Variants in CCDC154 observed in about 807,000 individuals in gnomAD.
The protein encoded by CCDC154 is coiled-coil domain containing 154.
In CCDC154, 91 loss-of-function variants were observed where a neutral mutation model predicts 87.5. The observed-to-expected ratio is 1.04, with a 90% CI of 0.88 to 1.24. The LOEUF (loss-of-function observed/expected upper bound fraction) is 1.24, where lower values mean the gene tolerates loss of function less well. Ranked by LOEUF, CCDC154 falls within the 50% of genes most tolerant of loss-of-function variation. The pLI is 0.00. For missense variants in CCDC154, 903 were observed against 879.2 expected, an observed-to-expected ratio of 1.03 and a Z score of -0.34; for synonymous variants, 418 against 400.4, an observed-to-expected ratio of 1.04 and a Z score of -0.52.
Position 1,435,970 on chromosome 16 carries a change from G to A in CCDC154, c.1604C>T (p.Thr535Met), listed in dbSNP as rs555676477. ...KIAEMQGKLA[T>M]FQNQIMKLEN... ...GGGTGCGGGCAGCCCCAGGACTACC[G>A]TGGCCAGCTTGCCCTGCATCTCCGC... Residue 535 changes from threonine (T) to methionine (M), a missense_variant and splice_region_variant, in exon 14 of 17, where the codon ACG becomes ATG. Physicochemically the swap from Thr to Met is moderately conservative, Grantham distance 81 (BLOSUM62 -1). Coordinates refer to ENST00000389176, the MANE Select transcript of CCDC154 (RefSeq NM_001143980.3). 171 of 1,547,836 alleles carry A rather than the reference G, an allele frequency of 1.1e-4. No homozygotes were observed. Among genetic ancestry groups the A allele is most frequent in the East Asian group, 1.2e-4 (5 of 40,784 alleles).
At chr16:1,442,106 T>C (rs1051119647) in intron 6 of CCDC154, among the ~76,000 whole-genome samples, 3 of 151,838 alleles carry the variant, frequency 2.0e-5, no homozygotes, top group Non-Finnish European at 4.4e-5. Context: ...TTAGTAGAGA[T>C]GGGGTTTCAC....
At chr16:1,440,129 C>T (rs1030622897) in intron 6 of CCDC154, among the ~76,000 whole-genome samples, 1 of 122,588 alleles carries the variant, frequency 8.2e-6, no homozygotes, top group African/African-American at 3.2e-5. Flanking sequence ...GCCTGGGCGA[C>T]AGAGCGAGAC....
chr16:1,444,099 C>A, intron 1 of CCDC154, 87 bp from the exon 2 acceptor site: 1 of 1,102,926 alleles, frequency 9.1e-7, no homozygotes. Context: ...CCCCGCAGGA[C>A]CCTCGCCCAC....
chr16:1,437,681 G>A (rs2038513924), intron 11 of CCDC154, 136 bp downstream of exon 11: 1 of 1,125,034 alleles, frequency 8.9e-7, no homozygotes, highest in Non-Finnish European at 1.2e-6. Flanking sequence ...CCAGGCCCTG[G>A]GGACAGTCGC....
chr16:1,435,189 C>T lies in CCDC154; in HGVS notation c.1606-14G>A. ...TTGGTTCTGAAACTAAACATGGCCC[C>T]CATTTGGGCACAGACAGGGCCAGTC... is the stretch of plus-strand genomic sequence containing the variant. On this transcript the variant is annotated splice_polypyrimidine_tract_variant and intron_variant, in intron 14 of 16. Transcript: ENST00000389176. The T allele has an allele frequency of 6.5e-7, 1 of 1,550,038 alleles. No individual in the cohort carries two copies. The highest frequency in any genetic ancestry group is 1.2e-5 in the South Asian group (1 of 84,054).
At position 1,438,904 on chromosome 16, in the gene CCDC154, C is replaced by A; in HGVS notation, c.817G>T (p.Gly273Cys). ...CTCTCCAGCTCGCCCCGCAGGCTGC[C>A]CTCCAGCTTCAGCCGTGAGCTCTCC... ...ASESSRLKLE[G>C]SLRGELESRW... Residue 273 changes from glycine (G) to cysteine (C), a missense_variant, in exon 8 of 17, where the codon GGC becomes TGC. Gly to Cys is a radical substitution (Grantham distance 159, BLOSUM62 -3). Coordinates refer to ENST00000389176, the MANE Select transcript of CCDC154 (RefSeq NM_001143980.3). 1 of 1,549,694 alleles carries A rather than the reference C, an allele frequency of 6.5e-7. No individual in the cohort carries two copies. The highest frequency in any genetic ancestry group is 8.7e-7 in the Non-Finnish European group (1 of 1,146,688).
At position 1,439,260 on chromosome 16, in the gene CCDC154, C is replaced by A. The variant is rs2050152; in HGVS notation, c.676-134G>T. 2.1e-5 allele frequency: 16 copies of A among 763,534 alleles called. 1 individual carries two copies. The South Asian group carries it at 2.4e-4, about 12-fold the overall frequency. 47.3% of individuals were successfully genotyped at this position (763,534 alleles called of 1,614,324 possible). A position where few individuals can be genotyped will look rare whatever the true frequency, so the allele number is the denominator to read the frequency against. On this transcript the variant is annotated intron_variant, in intron 6 of 16. Transcript: ENST00000389176. ...CCTGAGCCCGGCTGAGCTGGGCCTG[C>A]CACACCCTCAGCCGGAAGAAAGCCA... is the stretch of plus-strand genomic sequence containing the variant.
chr16:1,443,540 G>T lies in CCDC154; in HGVS notation c.380C>A (p.Pro127Gln). ...CTCCTTTTCGGGGGCCTGGGCTGCC[G>T]GCCGCGCCTCCTGCTGCAACTGCCT... The part of the protein sequence containing the change: ...ELRQLQQEAR[P>Q]AAQAPEKEAP... The change falls in exon 3 of 17, where the codon CCG becomes CAG. Residue 127 changes from proline to glutamine, a missense_variant. Pro to Gln is a moderately conservative substitution (Grantham distance 76, BLOSUM62 -1). Coordinates refer to ENST00000389176, the MANE Select transcript of CCDC154 (RefSeq NM_001143980.3). 1 of 1,475,824 alleles carries T rather than the reference G, an allele frequency of 6.8e-7. No individual in the cohort carries two copies. The highest frequency in any genetic ancestry group is 8.9e-7 in the Non-Finnish European group (1 of 1,120,228). The allele number at this position is 1,475,824 out of a possible 1,614,324, so 91.4% of individuals were successfully genotyped here.
Position 1,443,858 on chromosome 16 carries a change from C to A in CCDC154, c.162G>T (p.Pro54=). 1 of 1,304,328 alleles carries A rather than the reference C, an allele frequency of 7.7e-7. No homozygotes were observed. Among genetic ancestry groups the A allele is most frequent in the Non-Finnish European group, 1.0e-6 (1 of 989,014 alleles). 80.8% of individuals were successfully genotyped at this position (1,304,328 alleles called of 1,614,324 possible). A position where few individuals can be genotyped will look rare whatever the true frequency, so the allele number is the denominator to read the frequency against. Residue 54 remains proline (P), a synonymous_variant, in exon 2 of 17, where the codon CCG becomes CCT. Transcript: ENST00000389176. ...ELSERYESSH[P]TSTASVPEQD... ...GCTCGGGGACAGAGGCCGTGGATGT[C>A]GGATGGCTGGACTCATACCTCTCCG...
rs1358130787 is a variant in CCDC154, at chr16:1,434,514, G to C, written c.1898C>G (p.Ser633Cys). The change falls in exon 17 of 17, where the codon TCC becomes TGC. Residue 633 changes from serine to cysteine, a missense_variant. By Grantham distance (112) the Ser-to-Cys change is moderately radical (BLOSUM62 -1). Coordinates refer to ENST00000389176, the MANE Select transcript of CCDC154 (RefSeq NM_001143980.3). The part of the protein sequence containing the change: ...QAVRWLRWKA[S>C]LIKLRALRRP... Reference sequence around the variant, plus strand: ...CCGCAGGGCCCTGAGCTTTATGAGGGACGCCTTCCAGCGCAGCCACCTGTC... The same window carrying C: ...CCGCAGGGCCCTGAGCTTTATGAGGCACGCCTTCCAGCGCAGCCACCTGTC... 1 of 1,548,178 alleles carries C rather than the reference G, an allele frequency of 6.5e-7. No homozygotes were observed. The highest frequency in any genetic ancestry group is 8.7e-7 in the Non-Finnish European group (1 of 1,146,260).
intron 11 of CCDC154, 45 bp from the exon 12 acceptor site, chr16:1,436,856 G>A (rs1254423333): frequency 5.2e-6 from 8 of 1,547,060 alleles, no homozygotes; most frequent in Admixed American, 2.0e-5. Flanking sequence ...AGAGAGGGGG[G>A]ACAGACAGAT....
chr16:1,440,822 G>T lies in CCDC154; in HGVS notation c.675+1584C>A, dbSNP rs1183892662. 2.6e-5 allele frequency among the ~76,000 whole-genome samples: 4 copies of T among 151,182 alleles called. No individual in the cohort carries two copies. The East Asian group carries it at 8.0e-4, about 30-fold the overall frequency. Reference sequence around the variant, plus strand: ...AAAAATTAGCCGGGCGTGGTGGTGGGCGCCTGTAGTCCCAGCTACTCGGGA... The same window carrying T: ...AAAAATTAGCCGGGCGTGGTGGTGGTCGCCTGTAGTCCCAGCTACTCGGGA... On this transcript the variant is annotated intron_variant, in intron 6 of 16. Transcript: ENST00000389176.
rs754644472 is a variant in CCDC154, at chr16:1,437,916, C to A, written c.1191G>T (p.Ala397=). 1.5e-4 allele frequency: 228 copies of A among 1,547,038 alleles called. 1 individual carries two copies. Among genetic ancestry groups the A allele is most frequent in the Non-Finnish European group, 1.8e-4 (212 of 1,146,526 alleles). The change falls in exon 11 of 17, where the codon GCG becomes GCT. Residue 397 remains alanine, a synonymous_variant. Coordinates refer to ENST00000389176, the MANE Select transcript of CCDC154 (RefSeq NM_001143980.3). The part of the protein sequence containing the change: ...EKSRALEASV[A]QLAGQLKELS... ...GCTCCTTTAACTGCCCGGCCAGCTG[C>A]GCCACGGATGCCTCCAGAGCCCGGC...
In CCDC154 at chr16:1,434,754, G is replaced by C. The variant is rs1438312247; in HGVS notation, c.1791C>G (p.Ser597=). ...TPLGSWKALP[S]LVRPRVFIKD... is the part of the protein sequence containing the mutation. ...TGATGAAGACCCGCGGCCTCACCAG[G>C]GATGGGAGCGCCTTCCAGCTGCCCA... The change falls in exon 16 of 17, where the codon TCC becomes TCG. Residue 597 remains serine, a synonymous_variant. Coordinates refer to ENST00000389176, the MANE Select transcript of CCDC154 (RefSeq NM_001143980.3). 1.3e-6 allele frequency: 2 copies of C among 1,545,440 alleles called. No individual in the cohort carries two copies. Among genetic ancestry groups the C allele is most frequent in the South Asian group, 1.2e-5 (1 of 84,032 alleles).
At chr16:1,437,279 CG>C (rs1415224880) in intron 11 of CCDC154, 1 of 189,524 alleles carries the variant, frequency 5.3e-6, no homozygotes, top group African/African-American at 2.4e-5. Context: ...CCGCACCGTG[CG>C]TGGCTCTGTT....
chr16:1,443,236 GTGCC>G, intron 4 of CCDC154, 21 bp downstream of exon 4: 2 of 1,546,936 alleles, frequency 1.3e-6, no homozygotes, highest in South Asian at 2.4e-5. Context: ...CCCTGGGCCT[GTGCC>G]CCTAGGTGTG....
chr16:1,438,781 C>T (rs762460376), intron 8 of CCDC154, 34 bp downstream of exon 8: 28 of 1,542,376 alleles, frequency 1.8e-5, no homozygotes, highest in East Asian at 4.9e-5. Context: ...ACCCCGGCCC[C>T]GGCCCCACCT....
chr16:1,438,062 T>C lies in CCDC154; in HGVS notation c.1140A>G (p.Gly380=). ...GCTACCCCCTCACCAGCACCAGCTCTCCATGCATCTCCTGCCGGGCCAGCT... is the reference window on the plus strand; with the variant it reads ...GCTACCCCCTCACCAGCACCAGCTCCCCATGCATCTCCTGCCGGGCCAGCT... ...AGELARQEMH[G]ELVLLREKSR... is the part of the protein sequence containing the mutation. The change falls in exon 10 of 17, where the codon GGA becomes GGG. Residue 380 remains glycine (G), a synonymous_variant. Transcript: ENST00000389176. 3 of 1,548,062 alleles carry C rather than the reference T, an allele frequency of 1.9e-6. No homozygotes were observed. Among genetic ancestry groups the C allele is most frequent in the Non-Finnish European group, 2.6e-6 (3 of 1,145,656 alleles).
intron 11 of CCDC154, 134 bp from the exon 12 acceptor site, chr16:1,436,945 C>T: frequency 7.9e-7 from 1 of 1,266,300 alleles, no homozygotes; most frequent in Non-Finnish European, 1.1e-6. Context: ...TGTGCACAGG[C>T]CTGCAGGCGG....
Sources: gnomAD v4.1 joint callset for allele counts (sites outside exome capture counted in the v4.1 genomes callset) on GRCh38, gnomAD v4.1.1 for gene constraint, MANE v1.5 for transcripts, NCBI Gene and HGNC (gene_info 2026-07-23, HGNC 2026-07-21) for gene names.